The following KBTBD11 variants were observed in gnomAD, a reference collection of about 807,000 sequenced individuals.
KBTBD11 encodes the protein kelch repeat and BTB domain-containing protein 11.
For synonymous variants in KBTBD11, 747 were observed against 499.0 expected (o/e 1.50, Z -6.63); for missense variants, 1,390 against 1,001.8 (o/e 1.39, Z -5.23).
chr8:1,994,196 G>A (rs1223749417), intron 1 of KBTBD11, among the ~76,000 whole-genome samples: 1 of 151,630 alleles, frequency 6.6e-6, no homozygotes, highest in African/African-American at 2.4e-5. Flanking sequence ...TCAGCCTACT[G>A]TTATTCCCCT....
chr8:2,004,880 C>A lies in KBTBD11; in HGVS notation c.*1816C>A, dbSNP rs571111400. ...TAAGCAATGTACCATTCACACTGTC[C>A]TGCCTTTTCCTCTAGAATTTTATTA... On this transcript the variant is annotated 3_prime_UTR_variant, in exon 2 of 2. Transcript: ENST00000320248. 1.2e-5 allele frequency: 2 copies of A among 167,006 alleles called. No individual in the cohort carries two copies. Among genetic ancestry groups the A allele is most frequent in the East Asian group, 3.8e-4 (2 of 5,208 alleles). 10.3% of individuals were successfully genotyped at this position (167,006 alleles called of 1,614,324 possible). A position where few individuals can be genotyped will look rare whatever the true frequency, so the allele number is the denominator to read the frequency against.
chr8:2,002,394 C>T lies in KBTBD11; in HGVS notation c.1202C>T (p.Ala401Val). ...SWSAVRPLRQ[A>V]RSQLRLLALD... ...AGCGCCGTGAGGCCCCTGCGCCAGG[C>T]GCGCTCGCAGCTGCGGCTGCTGGCC... Residue 401 changes from alanine (A) to valine (V), a missense_variant, in exon 2 of 2, where the codon GCG (alanine) becomes GTG (valine). Ala to Val is a moderately conservative substitution (Grantham distance 64). Coordinates refer to ENST00000320248, the MANE Select transcript of KBTBD11 (RefSeq NM_014867.3). This position sits in a 1 kb window ranked among gnomAD's most constrained non-coding sequence, Gnocchi z 4.1. 6.8e-7 allele frequency: 1 copy of T among 1,480,604 alleles called. No homozygotes were observed. The highest frequency in any genetic ancestry group is 8.9e-7 in the Non-Finnish European group (1 of 1,121,828). The allele number at this position is 1,480,604 out of a possible 1,614,324, so 91.7% of individuals were successfully genotyped here.
At chr8:1,983,182 C>T (rs981185819) in intron 1 of KBTBD11, among the ~76,000 whole-genome samples, 1 of 152,230 alleles carries the variant, frequency 6.6e-6, no homozygotes, top group East Asian at 1.9e-4. Context: ...CAGAGCCACA[C>T]CTAGAACTTG....
At chr8:1,987,659 C>T (rs1226404418) in intron 1 of KBTBD11, among the ~76,000 whole-genome samples, 2 of 152,150 alleles carry the variant, frequency 1.3e-5, no homozygotes, top group South Asian at 2.1e-4. Context: ...ATAACTTTCA[C>T]ATTCTGGGAG....
chr8:1,999,014 G>T (rs2129315479), intron 1 of KBTBD11, among the ~76,000 whole-genome samples: 1 of 152,332 alleles, frequency 6.6e-6, no homozygotes, highest in East Asian at 1.9e-4. Context: ...CTTAGCTATT[G>T]TCTGTGACCT....
rs778839125 is a variant in KBTBD11, at chr8:2,002,007, T to C, written c.815T>C (p.Val272Ala). The change falls in exon 2 of 2, where the codon GTG (valine) becomes GCG (alanine). Residue 272 changes from valine to alanine, a missense_variant. Physicochemically the swap from Val to Ala is moderately conservative, Grantham distance 64. Coordinates refer to ENST00000320248, the MANE Select transcript of KBTBD11 (RefSeq NM_014867.3). This position sits in a 1 kb window ranked among gnomAD's most constrained non-coding sequence, Gnocchi z 4.1. Reference sequence around the variant, plus strand: ...CTGGAGGTGCTGCGCGAGCCCGCCGTGTTCGGCCGCCTGTCGGGCGCAGAG... The same window carrying C: ...CTGGAGGTGCTGCGCGAGCCCGCCGCGTTCGGCCGCCTGTCGGGCGCAGAG... ...HYLEVLREPA[V>A]FGRLSGAERD... 2 of 1,418,088 alleles carry C rather than the reference T, an allele frequency of 1.4e-6. No individual in the cohort carries two copies. The highest frequency in any genetic ancestry group is 3.4e-5 in the East Asian group (1 of 29,680). The allele number at this position is 1,418,088 out of a possible 1,614,324, so 87.8% of individuals were successfully genotyped here. A position where few individuals can be genotyped will look rare whatever the true frequency, so the allele number is the denominator to read the frequency against.
intron 1 of KBTBD11, among the ~76,000 whole-genome samples, chr8:1,991,304 G>GGTAAA (rs1310119830): frequency 6.6e-6 from 1 of 152,232 alleles, no homozygotes; most frequent in African/African-American, 2.4e-5. Context: ...TGGTGAAGTA[G>GGTAAA]GCGTTTGCTT....
chr8:1,990,380 G>A (rs1193088620), intron 1 of KBTBD11, among the ~76,000 whole-genome samples: 4 of 145,530 alleles, frequency 2.7e-5, no homozygotes, highest in Non-Finnish European at 4.5e-5. Flanking sequence ...GATGCTGCCG[G>A]GCCTTGGCGC....
chr8:1,979,134 C>T lies in KBTBD11; in HGVS notation c.-909+5199C>T, dbSNP rs78575655. On this transcript the variant is annotated intron_variant, in intron 1 of 1. Coordinates refer to ENST00000320248, the MANE Select transcript of KBTBD11 (RefSeq NM_014867.3). ...GCAAGATTGAAGGACCTGGCTCATC[C>T]GATGGTGGTGGGGCAAGTCTGAGAT... Among the ~76,000 whole-genome samples, 1,209 of 152,240 alleles carry T rather than the reference C, an allele frequency of 7.9e-3. 14 individuals carry two copies. Among genetic ancestry groups the T allele is most frequent in the African/African-American group, 0.027 (1,127 of 41,550 alleles).
intron 1 of KBTBD11, among the ~76,000 whole-genome samples, chr8:1,978,171 C>T (rs192536312): frequency 2.6e-5 from 4 of 152,338 alleles, no homozygotes; most frequent in African/African-American, 9.6e-5. Flanking sequence ...TCTACAGGCC[C>T]CAGTGTGTGT....
intron 1 of KBTBD11, among the ~76,000 whole-genome samples, chr8:1,987,378 C>T (rs1052731863): frequency 2.0e-5 from 3 of 152,138 alleles, no homozygotes; most frequent in Admixed American, 6.6e-5. Flanking sequence ...ATCTAGGAGT[C>T]GCTCAATCAA....
chr8:1,995,617 G>T (rs1022748660), intron 1 of KBTBD11, among the ~76,000 whole-genome samples: 1 of 152,106 alleles, frequency 6.6e-6, no homozygotes, highest in African/African-American at 2.4e-5. Flanking sequence ...ACCCACCCTC[G>T]GTCCTGCCTG....
At chr8:1,985,478 C>T (rs537637008) in intron 1 of KBTBD11, among the ~76,000 whole-genome samples, 3 of 152,372 alleles carry the variant, frequency 2.0e-5, no homozygotes, top group South Asian at 4.1e-4. Context: ...TCCTGGCGCC[C>T]GGCGCCCGGC....
At chr8:1,984,101 A>C (rs1239477004) in intron 1 of KBTBD11, among the ~76,000 whole-genome samples, 1 of 152,194 alleles carries the variant, frequency 6.6e-6, no homozygotes, top group Admixed American at 6.5e-5. Context: ...TTGCCTGGGC[A>C]ACAAGAGCGA....
At position 2,003,880 on chromosome 8, in the gene KBTBD11, G is replaced by T. The variant is rs983320229; in HGVS notation, c.*816G>T. 1 of 166,882 alleles carries T rather than the reference G, an allele frequency of 6.0e-6. No homozygotes were observed. The highest frequency in any genetic ancestry group is 6.5e-5 in the Admixed American group (1 of 15,280). The allele number at this position is 166,882 out of a possible 1,614,324, so 10.3% of individuals were successfully genotyped here. On this transcript the variant is annotated 3_prime_UTR_variant, in exon 2 of 2. Coordinates refer to ENST00000320248, the MANE Select transcript of KBTBD11 (RefSeq NM_014867.3). ...TCATAAGTAGGAAAAACTTACCAGGGTGCTTGTCTATCTAAAAAGCAATCT... is the reference window on the plus strand; with the variant it reads ...TCATAAGTAGGAAAAACTTACCAGGTTGCTTGTCTATCTAAAAAGCAATCT...
At chr8:1,975,918 G>A (rs1816324076) in intron 1 of KBTBD11, 2 of 152,234 alleles carry the variant, frequency 1.3e-5, no homozygotes, top group African/African-American at 4.8e-5. Context: ...TTGGCAGTGG[G>A]AGCCCAGCAG....
At position 2,002,120 on chromosome 8, in the gene KBTBD11, A is replaced by T. The variant is rs1415208307; in HGVS notation, c.928A>T (p.Ser310Cys). 1.4e-5 allele frequency: 15 copies of T among 1,110,528 alleles called. No homozygotes were observed. Among genetic ancestry groups the T allele is most frequent in the Non-Finnish European group, 1.6e-5 (15 of 913,366 alleles). The allele number at this position is 1,110,528 out of a possible 1,614,324, so 68.8% of individuals were successfully genotyped here. A position where few individuals can be genotyped will look rare whatever the true frequency, so the allele number is the denominator to read the frequency against. The change falls in exon 2 of 2, where the codon AGC (serine) becomes TGC (cysteine). Residue 310 changes from serine (S) to cysteine (C), a missense_variant. Transcript: ENST00000320248. The surrounding 1 kb of genome is among the most constrained non-coding windows in gnomAD (Gnocchi z 4.1). Reference protein sequence around the residue: ...ALGPAGERAGSRPQSPSGDAD... With the variant: ...ALGPAGERAGCRPQSPSGDAD... ...CGGGCCGGCGGGGGAGCGCGCGGGC[A>T]GCCGGCCTCAGAGCCCCTCGGGGGA... is the stretch of plus-strand genomic sequence containing the variant.
intron 1 of KBTBD11, among the ~76,000 whole-genome samples, chr8:1,993,083 A>G (rs553809478): frequency 6.7e-4 from 102 of 152,150 alleles, no homozygotes; most frequent in Admixed American, 1.0e-3. Flanking sequence ...AGGGCTACAA[A>G]TGCTGCATGC....
intron 1 of KBTBD11, among the ~76,000 whole-genome samples, chr8:2,000,059 T>C (rs1429522199): frequency 2.0e-5 from 3 of 152,218 alleles, no homozygotes; most frequent in African/African-American, 7.2e-5. Flanking sequence ...TCCTGAGTCC[T>C]CAAAATCAGG....
Sources: allele counts gnomAD v4.1 joint callset (sites outside exome capture counted in the v4.1 genomes callset), GRCh38; gene constraint gnomAD v4.1.1; non-coding constraint Gnocchi (gnomAD v3.1); transcripts MANE v1.5; gene names NCBI Gene and HGNC (gene_info 2026-07-23, HGNC 2026-07-21).